The following ADPGK variants were observed in gnomAD, a reference collection of about 807,000 sequenced individuals.
ADPGK encodes the protein ADP dependent glucokinase.
Under a neutral mutation model 42.4 loss-of-function variants are expected in ADPGK, and 26 were observed. The observed-to-expected ratio is 0.61, with a 90% CI of 0.45 to 0.85. The LOEUF is 0.85. Among genes scored for constraint, ADPGK ranks in the 40% least tolerant of loss-of-function variants. The pLI, the probability that ADPGK is intolerant of heterozygous loss-of-function variation, is 0.00. For synonymous variants in ADPGK, 267 were observed against 252.6 expected, an observed-to-expected ratio of 1.06 and a Z score of -0.54; for missense variants, 571 against 627.0, an observed-to-expected ratio of 0.91 and a Z score of 0.95.
intron 1 of ADPGK, 191 bp downstream of exon 1, chr15:72,783,268 G>A: frequency 8.0e-7 from 1 of 1,250,390 alleles, no homozygotes; most frequent in Non-Finnish European, 1.0e-6. Flanking sequence ...AAGGCGCAGA[G>A]GCCAGCCGAG....
rs149240449 is a variant in ADPGK, at chr15:72,780,207, G to A, written c.233+3252C>T. On this transcript the variant is annotated intron_variant, in intron 1 of 6. Transcript: ENST00000456471. ...GTTTAATTGACTTACAGTTCAGCAT[G>A]GCTGGGAAGGCCTCAGGAAACTTAC... Among the ~76,000 whole-genome samples, 677 of 152,330 alleles carry A rather than the reference G, an allele frequency of 4.4e-3. 8 individuals are homozygous for A. The highest frequency in any genetic ancestry group is 0.015 in the African/African-American group (635 of 41,580).
rs777491558 is a variant in ADPGK at position 72,760,510 on chromosome 15, T to C, written c.540A>G (p.Pro180=). 1.2e-6 allele frequency: 2 copies of C among 1,604,994 alleles called. No individual in the cohort carries two copies. Among genetic ancestry groups the C allele is most frequent in the Non-Finnish European group, 1.7e-6 (2 of 1,172,888 alleles). ...GAAGCTCATGTAGCTTTGGACCAAC[T>C]GGACCGCAAAGAAGAACCTGGAGGC... The part of the protein sequence containing the change: ...NSDLKVLLCG[P]VGPKLHELLD... The change falls in exon 4 of 7, where the codon CCA becomes CCG. Residue 180 remains proline (P), a synonymous_variant. Coordinates refer to ENST00000456471, the MANE Select transcript of ADPGK (RefSeq NM_001365225.1).
intron 1 of ADPGK, among the ~76,000 whole-genome samples, chr15:72,781,173 G>C (rs1230729125): frequency 6.6e-6 from 1 of 152,086 alleles, no homozygotes; most frequent in African/African-American, 2.4e-5. Flanking sequence ...AATCCTCTTT[G>C]GGTAATAAAT....
At position 72,756,272 on chromosome 15, in the gene ADPGK, G is replaced by A; in HGVS notation, c.819C>T (p.Leu273=). 2 of 1,614,216 alleles carry A rather than the reference G, an allele frequency of 1.2e-6. No homozygotes were observed. Among genetic ancestry groups the A allele is most frequent in the Non-Finnish European group, 1.7e-6 (2 of 1,180,040 alleles). Residue 273 remains leucine (L), a synonymous_variant, in exon 5 of 7, where the codon CTC becomes CTT. Transcript: ENST00000456471. ...TTACCTCCAAGAGTCTCTTCCTCTGGAGCTCCTTGCTTTGTCCCTCCATCA... is the reference window on the plus strand; with the variant it reads ...TTACCTCCAAGAGTCTCTTCCTCTGAAGCTCCTTGCTTTGTCCCTCCATCA... ...LHMMEGQSKE[L]QRKRLLEVVT...
intron 3 of ADPGK, among the ~76,000 whole-genome samples, chr15:72,769,326 C>T (rs945122863): frequency 2.5e-4 from 38 of 152,178 alleles, no homozygotes; most frequent in African/African-American, 8.9e-4. Flanking sequence ...AATAACTATT[C>T]CTAATTCTTG....
In ADPGK at chr15:72,771,797, T is replaced by C. The variant is rs2066331703; in HGVS notation, c.508A>G (p.Asn170Asp). 2.0e-5 allele frequency: 32 copies of C among 1,613,424 alleles called. No homozygotes were observed. The highest frequency in any genetic ancestry group is 2.7e-5 in the Non-Finnish European group (32 of 1,179,654). Residue 170 changes from asparagine (N) to aspartate (D), a missense_variant, in exon 3 of 7, where the codon AAC becomes GAC. Around this residue, in one of 2 missense-constraint regions of ADPGK, gnomAD observed 434 missense variants for 522.7 expected, o/e 0.83. Coordinates refer to ENST00000456471, the MANE Select transcript of ADPGK (RefSeq NM_001365225.1). Reference protein sequence around the residue: ...AALIGQKFAANSDLKVLLCGP... With the variant: ...AALIGQKFAADSDLKVLLCGP... Reference sequence around the variant, plus strand: ...ACTTGACCTACCTTTAAATCTGAGTTGGCTGCAAATTTCTGTCCAATTAAA... The same window carrying C: ...ACTTGACCTACCTTTAAATCTGAGTCGGCTGCAAATTTCTGTCCAATTAAA...
In ADPGK at chr15:72,760,518, AAAG is replaced by A. The variant is rs1206979996; in HGVS notation, c.529_531del (p.Leu177del). 1.9e-6 allele frequency: 3 copies of A among 1,602,344 alleles called. No individual in the cohort carries two copies. The highest frequency in any genetic ancestry group is 3.3e-4 in the Middle Eastern group (2 of 6,022). On this transcript the variant is annotated inframe_deletion, in exon 4 of 7. Coordinates refer to ENST00000456471, the MANE Select transcript of ADPGK (RefSeq NM_001365225.1). Reference sequence around the variant, plus strand: ...TGTAGCTTTGGACCAACTGGACCGCAAAGAAGAACCTGGAGGCAAGCAACACGA... The same window carrying A: ...TGTAGCTTTGGACCAACTGGACCGCAAAGAACCTGGAGGCAAGCAACACGA...
At chr15:72,760,564 G>T (rs766927363) in intron 3 of ADPGK, 37 bp from the exon 4 acceptor site, 1 of 1,575,922 alleles carries the variant, frequency 6.3e-7, no homozygotes, top group East Asian at 2.3e-5. Flanking sequence ...CAGGAGCCCC[G>T]TTCCTTTCCC....
At chr15:72,755,432 G>T in intron 6 of ADPGK, 124 bp downstream of exon 6, 1 of 684,156 alleles carries the variant, frequency 1.5e-6, no homozygotes, top group Admixed American at 2.8e-5. Context: ...TTGGGTCTGA[G>T]TGACACAAAC....
rs368230271 is a variant in ADPGK at position 72,760,460 on chromosome 15, G to C, written c.590C>G (p.Pro197Arg). ...ELLDDNVFVP[P>R]ESLQEVDEFH... ...CTCATCCACTTCCTGCAATGACTCT[G>C]GTGGAACAAAGACATTGTCATCAAG... The change falls in exon 4 of 7, where the codon CCA becomes CGA. Residue 197 changes from proline to arginine, a missense_variant. Transcript: ENST00000456471. 6.2e-7 allele frequency: 1 copy of C among 1,610,856 alleles called. No individual in the cohort carries two copies. Among genetic ancestry groups the C allele is most frequent in the Middle Eastern group, 1.7e-4 (1 of 6,048 alleles).
chr15:72,771,679 AG>A lies in ADPGK; in HGVS notation c.522+103del. The A allele has an allele frequency of 8.8e-6, 9 of 1,020,312 alleles. No homozygotes were observed. The South Asian group carries it at 1.4e-4, about 15-fold the overall frequency. 63.2% of individuals were successfully genotyped at this position (1,020,312 alleles called of 1,614,324 possible). A position where few individuals can be genotyped will look rare whatever the true frequency, so the allele number is the denominator to read the frequency against. On this transcript the variant is annotated intron_variant, in intron 3 of 6. Coordinates refer to ENST00000456471, the MANE Select transcript of ADPGK (RefSeq NM_001365225.1). ...AAAGACCCAGGGTCTGGTACATAGT[AG>A]GTGATCCATAAGTTGAATCAAGGAA...
chr15:72,779,244 GTTTTTTTTTTTT>G (rs35321622), intron 1 of ADPGK, among the ~76,000 whole-genome samples: 2 of 107,220 alleles, frequency 1.9e-5, no homozygotes, highest in Non-Finnish European at 3.6e-5. Flanking sequence ...TAGCATGAGG[GTTTTTTTTTTTT>G]TTTTTTTTTG....
intron 2 of ADPGK, among the ~76,000 whole-genome samples, chr15:72,774,015 G>T (rs762202834): frequency 5.3e-5 from 8 of 152,032 alleles, no homozygotes; most frequent in Admixed American, 5.2e-4. Flanking sequence ...CTAATTTTTT[G>T]TATTTTTTGT....
At chr15:72,771,972 T>A (rs1772469622) in intron 2 of ADPGK, 127 bp from the exon 3 acceptor site, 2 of 629,848 alleles carry the variant, frequency 3.2e-6, no homozygotes, top group Non-Finnish European at 5.0e-6. Context: ...TGATTTTACA[T>A]CAAAGGACAC....
intron 3 of ADPGK, among the ~76,000 whole-genome samples, chr15:72,764,390 G>A (rs2066232067): frequency 6.6e-6 from 1 of 152,224 alleles, no homozygotes; most frequent in Non-Finnish European, 1.5e-5. Context: ...GATCAAACAA[G>A]CTACAACATT....
chr15:72,783,083 G>C (rs1166150961), intron 1 of ADPGK: 4 of 468,588 alleles, frequency 8.5e-6, no homozygotes, highest in African/African-American at 2.1e-5. Context: ...AAGTTCAGAA[G>C]AAAGAGGAAG....
intron 3 of ADPGK, among the ~76,000 whole-genome samples, chr15:72,761,600 A>G (rs772762794): frequency 6.6e-6 from 1 of 152,138 alleles, no homozygotes; most frequent in Non-Finnish European, 1.5e-5. Context: ...TTTTTGACAC[A>G]ACATTCAAGG....
At chr15:72,757,065 T>C (rs985084274) in intron 4 of ADPGK, 1 of 153,386 alleles carries the variant, frequency 6.5e-6, no homozygotes, top group African/African-American at 2.4e-5. Flanking sequence ...GTTCAAGTGC[T>C]AGTTCCTCCC....
At chr15:72,754,350 C>T (rs183140607) in intron 6 of ADPGK, among the ~76,000 whole-genome samples, 1 of 152,274 alleles carries the variant, frequency 6.6e-6, no homozygotes, top group East Asian at 1.9e-4. Flanking sequence ...TACTGAAATA[C>T]CATTTTTTCA....
Sources: allele counts gnomAD v4.1 joint callset (sites outside exome capture counted in the v4.1 genomes callset), GRCh38; gene constraint gnomAD v4.1.1; regional missense constraint gnomAD v4.1.1; transcripts MANE v1.5; gene names NCBI Gene and HGNC (gene_info 2026-07-23, HGNC 2026-07-21).